Variants in DUSP7 observed in about 807,000 individuals in gnomAD.
DUSP7 encodes the protein dual specificity protein phosphatase 7.
A neutral mutation model predicts 29.8 loss-of-function variants in DUSP7; 7 were observed. The ratio of observed to expected loss-of-function variants is 0.24; its 90% CI spans 0.13 to 0.44. The LOEUF (loss-of-function observed/expected upper bound fraction) is 0.44, where lower values mean the gene tolerates loss of function less well. Ranked by LOEUF, DUSP7 falls within the 20% of genes least tolerant of loss-of-function variation. The pLI, the probability that DUSP7 is intolerant of heterozygous loss-of-function variation, is 1.00. For synonymous variants in DUSP7, 287 were observed against 275.4 expected (o/e 1.04, Z -0.42); for missense variants, 400 against 583.7 (o/e 0.69, Z 3.24).
Position 52,049,790 on chromosome 3 carries a change from GAGACAGAC to G in DUSP7, c.*1017_*1024del, listed in dbSNP as rs934557301. The G allele has an allele frequency of 1.3e-5, 2 of 152,162 alleles. No homozygotes were observed. Among genetic ancestry groups the G allele is most frequent in the Non-Finnish European group, 2.9e-5 (2 of 68,038 alleles). 9.4% of individuals were successfully genotyped at this position (152,162 alleles called of 1,614,324 possible). ...AGAGAGAGAGGGAGAGGAAGAGAGA[GAGACAGAC>G]AGACAGACAGAAGTAGTGGCTAAGT... is the stretch of plus-strand genomic sequence containing the variant. On this transcript the variant is annotated 3_prime_UTR_variant, in exon 3 of 3. Transcript: ENST00000495880.
rs1372679772 is a variant in DUSP7, at chr3:52,051,374, A to G, written c.953-252T>C. Among the ~76,000 whole-genome samples the G allele has an allele frequency of 1.3e-5, 2 of 152,230 alleles. No homozygotes were observed. Among genetic ancestry groups the G allele is most frequent in the Non-Finnish European group, 2.9e-5 (2 of 68,034 alleles). The stretch of plus-strand genomic sequence containing the variant: ...CACCCGTGTCTGTTTCCTCATCTAT[A>G]AAATGGGCCTATTTATGCACAGTGG... On this transcript the variant is annotated intron_variant, in intron 2 of 2. Coordinates refer to ENST00000495880, the MANE Select transcript of DUSP7 (RefSeq NM_001947.4). The surrounding 1 kb of genome is among the most constrained non-coding windows in gnomAD (Gnocchi z 4.8).
Position 52,054,056 on chromosome 3 carries a change from GGTGT to G in DUSP7, c.832_835del (p.Thr278ProfsTer61). 1 of 1,614,192 alleles carries G rather than the reference GGTGT, an allele frequency of 6.2e-7. No homozygotes were observed. The highest frequency in any genetic ancestry group is 8.5e-7 in the Non-Finnish European group (1 of 1,180,036). ...GTGCTCGAAGGCGTTGGGTAGGTTG[GGTGT>G]GACATTGAGGATATACTTGATGCCA... On this transcript the variant is annotated frameshift_variant, in exon 2 of 3. Transcript: ENST00000495880. LOFTEE classifies it high-confidence loss of function. The surrounding 1 kb of genome is among the most constrained non-coding windows in gnomAD (Gnocchi z 4.1).
chr3:52,056,361 T>C lies in DUSP7; in HGVS notation c.6A>G (p.Lys2=). The stretch of plus-strand genomic sequence containing the variant: ...GCGCTGGGGGGCCGCGGAGCTGGTT[T>C]TTCATGGGGAGCGCGGGCGGCCCGG... M[K]NQLRGPPARA... Residue 2 remains lysine, a synonymous_variant, in exon 1 of 3, where the codon AAA becomes AAG. Coordinates refer to ENST00000495880, the MANE Select transcript of DUSP7 (RefSeq NM_001947.4). This position sits in a 1 kb window ranked among gnomAD's most constrained non-coding sequence, Gnocchi z 6.4. 2 of 1,126,234 alleles carry C rather than the reference T, an allele frequency of 1.8e-6. No homozygotes were observed. Among genetic ancestry groups the C allele is most frequent in the Non-Finnish European group, 2.2e-6 (2 of 922,464 alleles). 69.8% of individuals were successfully genotyped at this position (1,126,234 alleles called of 1,614,324 possible).
rs1011998702 is a variant in DUSP7 at position 52,053,727 on chromosome 3, C to T, written c.952+213G>A. On this transcript the variant is annotated intron_variant, in intron 2 of 2. Coordinates refer to ENST00000495880, the MANE Select transcript of DUSP7 (RefSeq NM_001947.4). The surrounding 1 kb of genome is among the most constrained non-coding windows in gnomAD (Gnocchi z 4.6). ...TGTCAGCTAGGGGGAGCTCAGGACT[C>T]AGGAGACTGCTCAGGCCCCAACAGG... 1 of 593,760 alleles carries T rather than the reference C, an allele frequency of 1.7e-6. No homozygotes were observed. Among genetic ancestry groups the T allele is most frequent in the East Asian group, 2.8e-5 (1 of 35,292 alleles). The allele number at this position is 593,760 out of a possible 1,614,324, so 36.8% of individuals were successfully genotyped here. A position where few individuals can be genotyped will look rare whatever the true frequency, so the allele number is the denominator to read the frequency against.
chr3:52,054,010 C>A lies in DUSP7; in HGVS notation c.882G>T (p.Lys294Asn). 1 of 1,614,190 alleles carries A rather than the reference C, an allele frequency of 6.2e-7. No individual in the cohort carries two copies. Among genetic ancestry groups the A allele is most frequent in the Non-Finnish European group, 8.5e-7 (1 of 1,180,034 alleles). The change falls in exon 2 of 3, where the codon AAG (lysine) becomes AAT (asparagine). Residue 294 changes from lysine to asparagine, a missense_variant. Lys to Asn is a moderately conservative substitution (Grantham distance 94). Coordinates refer to ENST00000495880, the MANE Select transcript of DUSP7 (RefSeq NM_001947.4). The surrounding 1 kb of genome is among the most constrained non-coding windows in gnomAD (Gnocchi z 4.1). ...TCCAGTGGTCAGAGATGGGGATCTG[C>A]TTGTAGGTGAACTCGCCGCCGTGCT... is the stretch of plus-strand genomic sequence containing the variant. ...AFEHGGEFTYKQIPISDHWSQ... is the reference protein window; with the variant it reads ...AFEHGGEFTYNQIPISDHWSQ...
chr3:52,053,150 C>G lies in DUSP7; in HGVS notation c.952+790G>C, dbSNP rs1413853192. On this transcript the variant is annotated intron_variant, in intron 2 of 2. Coordinates refer to ENST00000495880, the MANE Select transcript of DUSP7 (RefSeq NM_001947.4). This position sits in a 1 kb window ranked among gnomAD's most constrained non-coding sequence, Gnocchi z 4.6. ...TGGGCAGAAACATTGGGTCACCAGG[C>G]TCAGAGATAGAGCGTTTACATTCAT... 1.7e-4 allele frequency: 26 copies of G among 152,384 alleles called. No homozygotes were observed. Among genetic ancestry groups the G allele is most frequent in the Admixed American group, 1.6e-3 (24 of 15,296 alleles). 9.4% of individuals were successfully genotyped at this position (152,384 alleles called of 1,614,324 possible). A position where few individuals can be genotyped will look rare whatever the true frequency, so the allele number is the denominator to read the frequency against.
rs961352696 is a variant in DUSP7, at chr3:52,054,613, A to C, written c.518-239T>G. Among the ~76,000 whole-genome samples the C allele has an allele frequency of 6.6e-6, 1 of 152,218 alleles. No individual in the cohort carries two copies. Among genetic ancestry groups the C allele is most frequent in the Non-Finnish European group, 1.5e-5 (1 of 68,034 alleles). On this transcript the variant is annotated intron_variant, in intron 1 of 2. Coordinates refer to ENST00000495880, the MANE Select transcript of DUSP7 (RefSeq NM_001947.4). The surrounding 1 kb of genome is among the most constrained non-coding windows in gnomAD (Gnocchi z 4.1). ...AGGTGAAGTGACGTGCCTGGACTCC[A>C]AACTGGTACCCATAACACTTCGGGG...
At position 52,051,928 on chromosome 3, in the gene DUSP7, C is replaced by T. The variant is rs2106891525; in HGVS notation, c.953-806G>A. ...GGCCCCACCCCTGCCACTTGCTAGA[C>T]CTTCCTCAGGAGGCCCATGTGTCAG... On this transcript the variant is annotated intron_variant, in intron 2 of 2. Coordinates refer to ENST00000495880, the MANE Select transcript of DUSP7 (RefSeq NM_001947.4). This position sits in a 1 kb window ranked among gnomAD's most constrained non-coding sequence, Gnocchi z 4.8. 6.6e-6 allele frequency: 1 copy of T among 152,408 alleles called. No homozygotes were observed. Among genetic ancestry groups the T allele is most frequent in the South Asian group, 2.1e-4 (1 of 4,822 alleles). The allele number at this position is 152,408 out of a possible 1,614,324, so 9.4% of individuals were successfully genotyped here.
At chr3:52,055,821 C>T (rs777335954) in intron 1 of DUSP7, 29 bp downstream of exon 1, 17 of 1,495,686 alleles carry the variant, frequency 1.1e-5, no homozygotes, top group Non-Finnish European at 1.5e-5. Flanking sequence ...GGGCCCCGAT[C>T]CCGTAAGGCG....
Position 52,056,422 on chromosome 3 carries a change from C to A in DUSP7, c.-56G>T. 8 of 932,324 alleles carry A rather than the reference C, an allele frequency of 8.6e-6. No homozygotes were observed. Among genetic ancestry groups the A allele is most frequent in the Non-Finnish European group, 7.7e-6 (6 of 782,652 alleles). 57.8% of individuals were successfully genotyped at this position (932,324 alleles called of 1,614,324 possible). A position where few individuals can be genotyped will look rare whatever the true frequency, so the allele number is the denominator to read the frequency against. ...GGGCAGCCCTGCCCTGGGACGGCGC[C>A]CCGGCCGCGCGGGCCCCAGCCGCGT... On this transcript the variant is annotated 5_prime_UTR_variant, in exon 1 of 3. Transcript: ENST00000495880. The surrounding 1 kb of genome is among the most constrained non-coding windows in gnomAD (Gnocchi z 6.4).
At position 52,055,592 on chromosome 3, in the gene DUSP7, A is replaced by G. The variant is rs1449674844; in HGVS notation, c.517+258T>C. On this transcript the variant is annotated intron_variant, in intron 1 of 2. Coordinates refer to ENST00000495880, the MANE Select transcript of DUSP7 (RefSeq NM_001947.4). The stretch of plus-strand genomic sequence containing the variant: ...GCACTACTGTCGCCCCATCAACAGG[A>G]AAAAAAAGGAAACCCCAGGCAGGGG... 5.3e-5 allele frequency among the ~76,000 whole-genome samples: 8 copies of G among 151,882 alleles called. No individual in the cohort carries two copies. The East Asian group carries it at 1.5e-3, about 29-fold the overall frequency.
intron 1 of DUSP7, among the ~76,000 whole-genome samples, 191 bp downstream of exon 1, chr3:52,055,659 C>A (rs938108201): frequency 3.9e-5 from 6 of 152,222 alleles, no homozygotes; most frequent in African/African-American, 1.2e-4. Context: ...AGAAAGGGGG[C>A]GCAGAGGGAG....
At chr3:52,055,498 G>T (rs1701892558) in intron 1 of DUSP7, among the ~76,000 whole-genome samples, 1 of 152,244 alleles carries the variant, frequency 6.6e-6, no homozygotes, top group Admixed American at 6.5e-5. Flanking sequence ...CTGGACTTGG[G>T]CGCCCTGCCG....
rs761427601 is a variant in DUSP7 at position 52,054,516 on chromosome 3, C to T, written c.518-142G>A. 9.3e-6 allele frequency: 6 copies of T among 647,842 alleles called. No homozygotes were observed. The highest frequency in any genetic ancestry group is 1.0e-5 in the Non-Finnish European group (4 of 390,324). 40.1% of individuals were successfully genotyped at this position (647,842 alleles called of 1,614,324 possible). A position where few individuals can be genotyped will look rare whatever the true frequency, so the allele number is the denominator to read the frequency against. ...CATGGGCCATGCCAAGCATGTTACA[C>T]GTGTGCCCTCTCTCGTGTTCTCTCC... is the stretch of plus-strand genomic sequence containing the variant. On this transcript the variant is annotated intron_variant, in intron 1 of 2. Coordinates refer to ENST00000495880, the MANE Select transcript of DUSP7 (RefSeq NM_001947.4). The surrounding 1 kb of genome is among the most constrained non-coding windows in gnomAD (Gnocchi z 4.1).
chr3:52,051,004 G>C lies in DUSP7; in HGVS notation c.1071C>G (p.Ala357=), dbSNP rs756693386. Residue 357 remains alanine (A), a synonymous_variant, in exon 3 of 3, where the codon GCC becomes GCG. Transcript: ENST00000495880. The surrounding 1 kb of genome is among the most constrained non-coding windows in gnomAD (Gnocchi z 4.8). The stretch of plus-strand genomic sequence containing the variant: ...ACTTTTTCCTCTTGACAAAGTCGTA[G>C]GCGTCGTTGAGTGACAGGTTCATCT... The part of the protein sequence containing the change: ...MQKMNLSLND[A]YDFVKRKKSN... The C allele has an allele frequency of 6.2e-7, 1 of 1,614,270 alleles. No individual in the cohort carries two copies. The highest frequency in any genetic ancestry group is 8.5e-7 in the Non-Finnish European group (1 of 1,180,052).
At position 52,053,914 on chromosome 3, in the gene DUSP7, C is replaced by G. The variant is rs752407335; in HGVS notation, c.952+26G>C. On this transcript the variant is annotated intron_variant, in intron 2 of 2. Transcript: ENST00000495880. This position sits in a 1 kb window ranked among gnomAD's most constrained non-coding sequence, Gnocchi z 4.6. ...TGCATACACCTTGATGCACCCACAC[C>G]CCCCTGCCCAGCACACAGCACCTAC... 1 of 1,613,098 alleles carries G rather than the reference C, an allele frequency of 6.2e-7. No homozygotes were observed. Among genetic ancestry groups the G allele is most frequent in the African/African-American group, 1.3e-5 (1 of 74,866 alleles).
rs1701816397 is a variant in DUSP7 at position 52,048,995 on chromosome 3, T to C, written c.*1820A>G. ...GGTTCGGGATATATATATATATGTA[T>C]GTGTGTGTATATATATACGTAGGGT... On this transcript the variant is annotated 3_prime_UTR_variant, in exon 3 of 3. Coordinates refer to ENST00000495880, the MANE Select transcript of DUSP7 (RefSeq NM_001947.4). 1 of 152,230 alleles carries C rather than the reference T, an allele frequency of 6.6e-6. No individual in the cohort carries two copies. Among genetic ancestry groups the C allele is most frequent in the East Asian group, 1.9e-4 (1 of 5,204 alleles). 9.4% of individuals were successfully genotyped at this position (152,230 alleles called of 1,614,324 possible). A position where few individuals can be genotyped will look rare whatever the true frequency, so the allele number is the denominator to read the frequency against.
In DUSP7 at chr3:52,053,691, C is replaced by T. The variant is rs960040378; in HGVS notation, c.952+249G>A. ...AAACACAAGCTGGACAGCAGAGAGC[C>T]CATGACGTGCTGTCAGCTAGGGGGA... On this transcript the variant is annotated intron_variant, in intron 2 of 2. Coordinates refer to ENST00000495880, the MANE Select transcript of DUSP7 (RefSeq NM_001947.4). The surrounding 1 kb of genome is among the most constrained non-coding windows in gnomAD (Gnocchi z 4.6). 11 of 556,336 alleles carry T rather than the reference C, an allele frequency of 2.0e-5. No homozygotes were observed. The highest frequency in any genetic ancestry group is 1.3e-4 in the Admixed American group (4 of 31,980). 34.5% of individuals were successfully genotyped at this position (556,336 alleles called of 1,614,324 possible).
At position 52,050,716 on chromosome 3, in the gene DUSP7, G is replaced by T; in HGVS notation, c.*99C>A. The T allele has an allele frequency of 7.5e-7, 1 of 1,336,168 alleles. No homozygotes were observed. The highest frequency in any genetic ancestry group is 1.0e-6 in the Non-Finnish European group (1 of 984,132). 82.8% of individuals were successfully genotyped at this position (1,336,168 alleles called of 1,614,324 possible). A position where few individuals can be genotyped will look rare whatever the true frequency, so the allele number is the denominator to read the frequency against. ...GGCCTCTGGGCACAGGTGACATCTG[G>T]GGGTTCCTCAGGCCAGAGGTGGCGG... On this transcript the variant is annotated 3_prime_UTR_variant, in exon 3 of 3. Coordinates refer to ENST00000495880, the MANE Select transcript of DUSP7 (RefSeq NM_001947.4). This position sits in a 1 kb window ranked among gnomAD's most constrained non-coding sequence, Gnocchi z 5.0.
Sources: gnomAD v4.1 joint callset for allele counts (sites outside exome capture counted in the v4.1 genomes callset) on GRCh38, gnomAD v4.1.1 for gene constraint, Gnocchi (gnomAD v3.1) non-coding constraint, MANE v1.5 for transcripts, NCBI Gene and HGNC (gene_info 2026-07-23, HGNC 2026-07-21) for gene names.